Variants in PTPRN2 observed in about 807,000 individuals in gnomAD.
PTPRN2 encodes protein tyrosine phosphatase receptor type N2.
In PTPRN2, 74 loss-of-function variants were observed where a neutral mutation model predicts 118.8. The observed-to-expected ratio is 0.62, with a 90% CI of 0.52 to 0.76. The LOEUF is 0.76. Among genes scored for constraint, PTPRN2 ranks in the 30% least tolerant of loss-of-function variants. The pLI, the probability that PTPRN2 is intolerant of heterozygous loss-of-function variation, is 0.00. For synonymous variants in PTPRN2, 641 were observed against 608.0 expected, an observed-to-expected ratio of 1.05 and a Z score of -0.80; for missense variants, 1,481 against 1,394.4, an observed-to-expected ratio of 1.06 and a Z score of -0.99.
At chr7:158,558,284 G>C (rs1827176341) in intron 1 of PTPRN2, among the ~76,000 whole-genome samples, 1 of 152,280 alleles carries the variant, frequency 6.6e-6, no homozygotes, top group East Asian at 1.9e-4. Flanking sequence ...CTGCACCCAG[G>C]TCTTTTAAAA....
chr7:157,665,341 A>G (rs1490080164), intron 13 of PTPRN2, among the ~76,000 whole-genome samples: 1 of 152,264 alleles, frequency 6.6e-6, no homozygotes, highest in Non-Finnish European at 1.5e-5. Context: ...ACCTTGTGGC[A>G]TTTGCGTGAC....
intron 15 of PTPRN2, among the ~76,000 whole-genome samples, chr7:157,614,359 A>G (rs987535053): frequency 6.6e-6 from 1 of 152,170 alleles, no homozygotes; most frequent in African/African-American, 2.4e-5. Context: ...AGACTTCCAC[A>G]TGGAGAGTCT....
intron 3 of PTPRN2, among the ~76,000 whole-genome samples, chr7:158,251,769 T>C (rs1368331682): frequency 2.0e-5 from 3 of 152,086 alleles, no homozygotes. Context: ...GGTGCACGTA[T>C]GCATGTGTGT....
intron 1 of PTPRN2, among the ~76,000 whole-genome samples, chr7:158,504,782 C>T (rs1334929422): frequency 6.6e-6 from 1 of 152,172 alleles, no homozygotes; most frequent in Non-Finnish European, 1.5e-5. Context: ...TAACCAATTC[C>T]CTCTTGAAGA....
intron 11 of PTPRN2, among the ~76,000 whole-genome samples, chr7:158,041,177 AGAATCCTGCT>A (rs1376337184): frequency 6.6e-6 from 1 of 152,230 alleles, no homozygotes; most frequent in Non-Finnish European, 1.5e-5. Context: ...GAGGCCCTGG[AGAATCCTGCT>A]TGGCATGTTT....
intron 5 of PTPRN2, among the ~76,000 whole-genome samples, chr7:158,174,456 C>A (rs556722886): frequency 6.6e-6 from 1 of 152,006 alleles, no homozygotes; most frequent in Admixed American, 6.6e-5. Flanking sequence ...CTGCCATCAT[C>A]ACCTCAACCA....
chr7:157,581,276 C>G (rs911090799), intron 17 of PTPRN2, among the ~76,000 whole-genome samples: 5 of 152,256 alleles, frequency 3.3e-5, no homozygotes, highest in African/African-American at 4.8e-5. Context: ...GCTGGCACCA[C>G]GCTTTGGAGG....
intron 2 of PTPRN2, among the ~76,000 whole-genome samples, chr7:158,379,890 A>AG (rs1354425476): frequency 1.3e-5 from 2 of 152,180 alleles, no homozygotes; most frequent in Non-Finnish European, 2.9e-5. Context: ...TGGAAGGCAA[A>AG]GAGGAGCAAA....
intron 11 of PTPRN2, among the ~76,000 whole-genome samples, chr7:157,965,266 C>A (rs2128812227): frequency 6.6e-6 from 1 of 152,258 alleles, no homozygotes; most frequent in South Asian, 2.1e-4. Context: ...ACAGTGTAAC[C>A]CCTCTGAAGT....
chr7:158,412,907 C>T (rs1460189874), intron 2 of PTPRN2, among the ~76,000 whole-genome samples: 1 of 147,094 alleles, frequency 6.8e-6, no homozygotes, highest in African/African-American at 2.6e-5. Context: ...ATCCAGTGCC[C>T]TCCTCAACAC....
intron 11 of PTPRN2, among the ~76,000 whole-genome samples, chr7:157,989,446 AAAAG>A (rs1242251835): frequency 2.0e-5 from 3 of 152,074 alleles, no homozygotes; most frequent in East Asian, 1.9e-4. Context: ...AGAGAAAAAG[AAAAG>A]AAAGAAAGAC....
intron 2 of PTPRN2, among the ~76,000 whole-genome samples, chr7:158,403,073 G>A (rs746809165): frequency 1.4e-4 from 21 of 152,234 alleles, no homozygotes; most frequent in Non-Finnish European, 2.4e-4. Context: ...GTTCATTCTC[G>A]CTCTGTTTGG....
chr7:157,604,216 C>A, intron 15 of PTPRN2, 141 bp from the exon 16 acceptor site: 1 of 745,902 alleles, frequency 1.3e-6, no homozygotes, highest in Admixed American at 2.5e-5. Flanking sequence ...CAGTGTGGGA[C>A]TCCCAAACAG....
chr7:157,742,244 G>A lies in PTPRN2; in HGVS notation c.1789-59307C>T, dbSNP rs150421585. ...GGAGAACAGGTGACTGGGGTAACGC[G>A]TTATTTACCTGTATTTAGATGGGCA... On this transcript the variant is annotated intron_variant, in intron 12 of 22. Coordinates refer to ENST00000389418, the MANE Select transcript of PTPRN2 (RefSeq NM_002847.5). 7.2e-3 allele frequency among the ~76,000 whole-genome samples: 1,094 copies of A among 152,282 alleles called. 36 individuals are homozygous for A. The highest frequency in any genetic ancestry group is 0.044 in the Admixed American group (677 of 15,294).
At chr7:158,024,453 GA>G (rs1215762901) in intron 11 of PTPRN2, among the ~76,000 whole-genome samples, 1 of 152,146 alleles carries the variant, frequency 6.6e-6, no homozygotes, top group Non-Finnish European at 1.5e-5. Flanking sequence ...TTTTTAAGAG[GA>G]AAAAAATGCC....
chr7:158,425,302 G>A (rs1423665294), intron 2 of PTPRN2, among the ~76,000 whole-genome samples: 1 of 100,866 alleles, frequency 9.9e-6, no homozygotes, highest in African/African-American at 4.5e-5. Flanking sequence ...GCGCACCGCC[G>A]GGAAAGACCC....
chr7:158,192,354 A>C lies in PTPRN2; in HGVS notation c.522T>G (p.His174Gln), dbSNP rs769050785. The stretch of plus-strand genomic sequence containing the variant: ...CAGCGGGGGGTCTGTCCTGCGCCGT[A>C]TGGGTCCTGGCGAGCACGTCTGAGG... ...APASDVLART[H>Q]TAQDRPPAEG... Residue 174 changes from histidine to glutamine, a missense_variant, in exon 5 of 23, where the codon CAT (histidine) becomes CAG (glutamine). By Grantham distance (24) the His-to-Gln change is conservative. Around this residue, in one of 3 missense-constraint regions of PTPRN2, gnomAD observed 1,115 missense variants for 994.2 expected, o/e 1.12. Transcript: ENST00000389418. 1 of 1,514,618 alleles carries C rather than the reference A, an allele frequency of 6.6e-7. No homozygotes were observed. The highest frequency in any genetic ancestry group is 8.7e-7 in the Non-Finnish European group (1 of 1,144,000). The allele number at this position is 1,514,618 out of a possible 1,614,324, so 93.8% of individuals were successfully genotyped here.
chr7:158,513,163 C>T lies in PTPRN2; in HGVS notation c.113-23378G>A, dbSNP rs139199368. The stretch of plus-strand genomic sequence containing the variant: ...GCACAGTTGGTATCCACCATGATGG[C>T]GCACACTGAGTGTGTGGCTTTGATC... On this transcript the variant is annotated intron_variant, in intron 1 of 22. Coordinates refer to ENST00000389418, the MANE Select transcript of PTPRN2 (RefSeq NM_002847.5). Among the ~76,000 whole-genome samples, 12 of 152,264 alleles carry T rather than the reference C, an allele frequency of 7.9e-5. No individual in the cohort carries two copies. In the East Asian group the frequency reaches 9.7e-4, roughly 12 times the overall value.
At chr7:158,536,114 C>T (rs1231065925) in intron 1 of PTPRN2, among the ~76,000 whole-genome samples, 1 of 151,616 alleles carries the variant, frequency 6.6e-6, no homozygotes, top group Non-Finnish European at 1.5e-5. Flanking sequence ...TGCAATGCCC[C>T]AAATCTCATT....
Sources: gnomAD v4.1 joint callset for allele counts (sites outside exome capture counted in the v4.1 genomes callset) on GRCh38, gnomAD v4.1.1 for gene constraint, gnomAD v4.1.1 regional missense constraint, MANE v1.5 for transcripts, NCBI Gene and HGNC (gene_info 2026-07-23, HGNC 2026-07-21) for gene names.